Variants in FSTL5 observed in about 807,000 individuals in gnomAD.
The protein encoded by FSTL5 is follistatin-related protein 5.
In FSTL5, 62 loss-of-function variants were observed where a neutral mutation model predicts 89.1. That is an observed-to-expected ratio of 0.70 (90% CI 0.57 to 0.86). FSTL5 has a LOEUF of 0.86. FSTL5 is among the 40% of genes least tolerant of loss of function. The probability of loss-of-function intolerance (pLI) is 0.00; values close to 1 mark genes in which losing one functional copy is unlikely to be tolerated. For missense variants in FSTL5, 1,057 were observed against 1,001.6 expected (o/e 1.06, Z -0.75); for synonymous variants, 383 against 346.2 (o/e 1.11, Z -1.18).
chr4:162,110,870 T>C (rs1161095153), intron 2 of FSTL5, among the ~76,000 whole-genome samples: 1 of 151,794 alleles, frequency 6.6e-6, no homozygotes, highest in African/African-American at 2.4e-5. Flanking sequence ...GTGTAGATAA[T>C]TTTTTGTTTA....
intron 3 of FSTL5, among the ~76,000 whole-genome samples, chr4:161,933,129 G>A (rs41523245): frequency 0.015 from 2,352 of 152,084 alleles, 67 homozygotes; most frequent in African/African-American, 0.052. Context: ...CGCATGGCGG[G>A]TTAGGTATAT....
intron 2 of FSTL5, among the ~76,000 whole-genome samples, chr4:162,037,503 T>C (rs1737788783): frequency 6.6e-6 from 1 of 151,894 alleles, no homozygotes; most frequent in African/African-American, 2.4e-5. Context: ...TTGAGTTTTG[T>C]CGTCATAAAT....
At position 162,115,322 on chromosome 4, in the gene FSTL5, A is replaced by G. The variant is rs1030713815; in HGVS notation, c.-16-3910T>C. Among the ~76,000 whole-genome samples the G allele has an allele frequency of 2.6e-5, 4 of 152,204 alleles. No individual in the cohort carries two copies. The South Asian group carries it at 6.2e-4, about 24-fold the overall frequency. ...CATGATCATCTTCTTATTTCTCTTTAGATACAAAATCCAAATATATCATTA... is the reference window on the plus strand; with the variant it reads ...CATGATCATCTTCTTATTTCTCTTTGGATACAAAATCCAAATATATCATTA... On this transcript the variant is annotated intron_variant, in intron 1 of 15. Transcript: ENST00000306100.
chr4:161,484,170 A>G (rs1729604624), intron 12 of FSTL5, among the ~76,000 whole-genome samples: 1 of 152,206 alleles, frequency 6.6e-6, no homozygotes, highest in African/African-American at 2.4e-5. Context: ...TGCCATTTTC[A>G]TTTATTAGAC....
At chr4:161,628,628 T>A (rs766013615) in intron 7 of FSTL5, among the ~76,000 whole-genome samples, 1 of 152,226 alleles carries the variant, frequency 6.6e-6, no homozygotes, top group Non-Finnish European at 1.5e-5. Context: ...GTTAGCCCGT[T>A]AAGTGTAACA....
intron 1 of FSTL5, among the ~76,000 whole-genome samples, chr4:162,155,734 A>G (rs1733443693): frequency 6.6e-6 from 1 of 152,210 alleles, no homozygotes; most frequent in Non-Finnish European, 1.5e-5. Flanking sequence ...TTGAAAGTAC[A>G]ACAGTCCAGA....
chr4:162,103,369 ACT>A (rs1164197431), intron 2 of FSTL5, among the ~76,000 whole-genome samples: 1 of 152,164 alleles, frequency 6.6e-6, no homozygotes, highest in Non-Finnish European at 1.5e-5. Flanking sequence ...TTTCAGATTA[ACT>A]CTGTGCACAC....
At chr4:161,624,010 T>C (rs138944794) in intron 7 of FSTL5, among the ~76,000 whole-genome samples, 47 of 152,088 alleles carry the variant, frequency 3.1e-4, no homozygotes, top group Non-Finnish European at 4.4e-4. Context: ...TGTATGAAAG[T>C]AAAAATTTCC....
rs183392734 is a variant in FSTL5, at chr4:161,791,358, A to G, written c.410-15284T>C. ...TTATTAGACATATTGGTAAAGAACA[A>G]TTTGAGACAATTAGTAATTTCAAGT... On this transcript the variant is annotated intron_variant, in intron 4 of 15. Transcript: ENST00000306100. Among the ~76,000 whole-genome samples, 19 of 152,300 alleles carry G rather than the reference A, an allele frequency of 1.2e-4. No homozygotes were observed. The East Asian group carries it at 3.7e-3, about 29-fold the overall frequency.
intron 4 of FSTL5, among the ~76,000 whole-genome samples, chr4:161,819,466 T>G (rs1341817404): frequency 6.6e-6 from 1 of 152,106 alleles, no homozygotes; most frequent in Admixed American, 6.5e-5. Context: ...TTAAAATTAT[T>G]CTTCAGTTTC....
intron 15 of FSTL5, among the ~76,000 whole-genome samples, chr4:161,408,218 A>C (rs776862052): frequency 2.0e-5 from 3 of 152,200 alleles, no homozygotes; most frequent in Non-Finnish European, 4.4e-5. Flanking sequence ...ATGCAAAGAC[A>C]TACAAAGGAA....
intron 8 of FSTL5, among the ~76,000 whole-genome samples, chr4:161,581,610 G>A (rs1195389044): frequency 6.6e-6 from 1 of 152,184 alleles, no homozygotes. Flanking sequence ...AGTAATGAAG[G>A]TCATGCTTTG....
intron 8 of FSTL5, among the ~76,000 whole-genome samples, chr4:161,585,544 T>C (rs987756139): frequency 6.8e-6 from 1 of 147,154 alleles, no homozygotes; most frequent in East Asian, 2.0e-4. Flanking sequence ...ACAGAATTAA[T>C]TGCTAGCCAA....
intron 4 of FSTL5, among the ~76,000 whole-genome samples, chr4:161,799,361 G>T (rs2126827684): frequency 6.6e-6 from 1 of 151,570 alleles, no homozygotes; most frequent in African/African-American, 2.4e-5. Flanking sequence ...ACTTACAACT[G>T]TTTTGAGTTT....
intron 4 of FSTL5, among the ~76,000 whole-genome samples, chr4:161,874,723 C>G (rs967386725): frequency 6.6e-6 from 1 of 151,808 alleles, no homozygotes; most frequent in African/African-American, 2.4e-5. Context: ...GCCATTTAAC[C>G]TTTTCATTAA....
intron 7 of FSTL5, among the ~76,000 whole-genome samples, chr4:161,609,809 A>G (rs994949722): frequency 7.2e-5 from 11 of 152,246 alleles, no homozygotes; most frequent in African/African-American, 2.6e-4. Flanking sequence ...TGCTGCCTAC[A>G]GTAAACAAAC....
chr4:162,053,438 C>T (rs997061117), intron 2 of FSTL5, among the ~76,000 whole-genome samples: 1 of 151,704 alleles, frequency 6.6e-6, no homozygotes, highest in Non-Finnish European at 1.5e-5. Context: ...TAGACTCATG[C>T]CTCACAAAAT....
At chr4:161,846,060 A>G (rs928147651) in intron 4 of FSTL5, among the ~76,000 whole-genome samples, 5 of 151,818 alleles carry the variant, frequency 3.3e-5, no homozygotes, top group African/African-American at 1.2e-4. Flanking sequence ...AAAAAAAAAA[A>G]AAATTGTGAA....
intron 3 of FSTL5, among the ~76,000 whole-genome samples, chr4:161,934,417 G>A (rs1440755852): frequency 2.0e-5 from 3 of 151,888 alleles, no homozygotes; most frequent in Non-Finnish European, 4.4e-5. Flanking sequence ...AAGAAGGTTG[G>A]GAAGTATAGC....
Sources: gnomAD v4.1 joint callset for allele counts (sites outside exome capture counted in the v4.1 genomes callset) on GRCh38, gnomAD v4.1.1 for gene constraint, MANE v1.5 for transcripts, NCBI Gene and HGNC (gene_info 2026-07-23, HGNC 2026-07-21) for gene names.